PCSK2: variants seen among roughly 807,000 people sequenced by gnomAD.
PCSK2 encodes proprotein convertase subtilisin/kexin type 2.
A neutral mutation model predicts 69.7 loss-of-function variants in PCSK2; 14 were observed. The ratio of observed to expected loss-of-function variants is 0.20; its 90% confidence interval spans 0.13 to 0.31. The LOEUF is 0.31. Among genes scored for constraint, PCSK2 ranks in the 10% least tolerant of loss-of-function variants. PCSK2 has a pLI of 1.00. For synonymous variants in PCSK2, 307 were observed against 320.7 expected, an observed-to-expected ratio of 0.96 and a Z score of 0.46; for missense variants, 544 against 842.5, an observed-to-expected ratio of 0.65 and a Z score of 4.39.
At chr20:17,345,047 T>A (rs564509426) in intron 2 of PCSK2, among the ~76,000 whole-genome samples, 1 of 152,362 alleles carries the variant, frequency 6.6e-6, no homozygotes, top group South Asian at 2.1e-4. Context: ...TGTGTTGCCC[T>A]TCCCAGAGGA....
intron 1 of PCSK2, among the ~76,000 whole-genome samples, chr20:17,241,742 A>C (rs1359199822): frequency 6.6e-6 from 1 of 152,210 alleles, no homozygotes; most frequent in East Asian, 1.9e-4. Flanking sequence ...AGAACAAAAC[A>C]ATTAAATGCA....
rs767279357 is a variant in PCSK2 at position 17,296,843 on chromosome 20, T to TCA, written c.282+36502_282+36503dup. On this transcript the variant is annotated intron_variant, in intron 2 of 11. Coordinates refer to ENST00000262545, the MANE Select transcript of PCSK2 (RefSeq NM_002594.5). Reference sequence around the variant, plus strand: ...CCACAAGCCCACTTACGACAGCTCTTCACAGTAAGATAATGTATGTCTAAA... The same window carrying TCA: ...CCACAAGCCCACTTACGACAGCTCTTCACACAGTAAGATAATGTATGTCTAAA... Among the ~76,000 whole-genome samples, 17 of 152,318 alleles carry TCA rather than the reference T, an allele frequency of 1.1e-4. No homozygotes were observed. In the East Asian group the frequency reaches 3.1e-3, roughly 28 times the overall value.
At chr20:17,380,658 A>C (rs182472717) in intron 5 of PCSK2, among the ~76,000 whole-genome samples, 119 of 152,304 alleles carry the variant, frequency 7.8e-4, no homozygotes, top group African/African-American at 2.7e-3. Context: ...TAAGCATTCG[A>C]TGTTGTTAAG....
intron 2 of PCSK2, among the ~76,000 whole-genome samples, chr20:17,269,881 C>T (rs1041131868): frequency 6.6e-6 from 1 of 152,120 alleles, no homozygotes; most frequent in Non-Finnish European, 1.5e-5. Context: ...AAAACCTTAC[C>T]CTCCAATTAA....
chr20:17,247,980 T>C (rs931121189), intron 1 of PCSK2, among the ~76,000 whole-genome samples: 3 of 152,062 alleles, frequency 2.0e-5, no homozygotes, highest in Admixed American at 2.0e-4. Context: ...GTTGCTGAGA[T>C]CCATACATTT....
chr20:17,229,011 C>T (rs768689906), intron 1 of PCSK2, among the ~76,000 whole-genome samples: 18 of 152,128 alleles, frequency 1.2e-4, no homozygotes, highest in African/African-American at 4.3e-4. Flanking sequence ...AATAAAGAAG[C>T]CGACCTTCCT....
chr20:17,283,915 C>A (rs940361088), intron 2 of PCSK2, among the ~76,000 whole-genome samples: 1 of 152,188 alleles, frequency 6.6e-6, no homozygotes, highest in Non-Finnish European at 1.5e-5. Flanking sequence ...ATAAGGAAAA[C>A]AAGCCTGCCA....
At chr20:17,287,596 A>G (rs1393086176) in intron 2 of PCSK2, among the ~76,000 whole-genome samples, 1 of 152,172 alleles carries the variant, frequency 6.6e-6, no homozygotes, top group African/African-American at 2.4e-5. Flanking sequence ...TTATTTTATA[A>G]CTAGTGGCTA....
intron 5 of PCSK2, among the ~76,000 whole-genome samples, chr20:17,392,793 A>G (rs1442667247): frequency 1.1e-4 from 16 of 152,150 alleles, no homozygotes; most frequent in Non-Finnish European, 1.0e-4. Context: ...CCCTTGTGTG[A>G]TGTACCACAA....
At chr20:17,239,060 A>G (rs910165242) in intron 1 of PCSK2, among the ~76,000 whole-genome samples, 2 of 152,208 alleles carry the variant, frequency 1.3e-5, no homozygotes, top group African/African-American at 4.8e-5. Flanking sequence ...GGAACATCCT[A>G]TTTAGTGCCT....
chr20:17,451,569 T>TG (rs2032822851), intron 8 of PCSK2, among the ~76,000 whole-genome samples: 2 of 152,156 alleles, frequency 1.3e-5, no homozygotes, highest in African/African-American at 4.8e-5. Context: ...GGACTGATGT[T>TG]TGGAACTGAT....
intron 10 of PCSK2, among the ~76,000 whole-genome samples, chr20:17,460,240 A>G (rs1030871321): frequency 4.6e-5 from 7 of 152,128 alleles, no homozygotes; most frequent in African/African-American, 1.7e-4. Context: ...AGAGAGAGAG[A>G]GAAGGAGAGA....
At chr20:17,259,203 G>A (rs1196385012) in intron 1 of PCSK2, among the ~76,000 whole-genome samples, 2 of 151,992 alleles carry the variant, frequency 1.3e-5, no homozygotes, top group South Asian at 2.1e-4. Flanking sequence ...TTTGAGTAGT[G>A]GAATGCTTTT....
intron 7 of PCSK2, among the ~76,000 whole-genome samples, chr20:17,430,064 G>T (rs1475700252): frequency 1.3e-5 from 2 of 152,146 alleles, no homozygotes; most frequent in Non-Finnish European, 2.9e-5. Context: ...TTGCACAATG[G>T]AACTCATCTT....
intron 1 of PCSK2, among the ~76,000 whole-genome samples, chr20:17,241,850 C>A (rs1255240996): frequency 6.6e-6 from 1 of 152,176 alleles, no homozygotes; most frequent in African/African-American, 2.4e-5. Flanking sequence ...ATGATCCTAG[C>A]TCACCTAATA....
intron 1 of PCSK2, among the ~76,000 whole-genome samples, chr20:17,230,840 A>G (rs544707080): frequency 6.6e-6 from 1 of 152,370 alleles, no homozygotes; most frequent in Non-Finnish European, 1.5e-5. Context: ...CTAAAATGAA[A>G]TAAAAGCACC....
chr20:17,384,424 CCAA>C (rs1451241916), intron 5 of PCSK2, among the ~76,000 whole-genome samples: 4 of 76,254 alleles, frequency 5.2e-5, no homozygotes, highest in Admixed American at 1.3e-4. Context: ...TCCATATCTA[CCAA>C]AAAAAAAAAA....
Position 17,453,552 on chromosome 20 carries a change from A to G in PCSK2, c.886-190A>G, listed in dbSNP as rs996561510. On this transcript the variant is annotated intron_variant, in intron 8 of 11. Coordinates refer to ENST00000262545, the MANE Select transcript of PCSK2 (RefSeq NM_002594.5). The surrounding 1 kb of genome is among the most constrained non-coding windows in gnomAD (Gnocchi z 4.0). Reference sequence around the variant, plus strand: ...AATTCAGTTGACTTTTTTAGATTGAATTCTTCCTGGAAAAAAAAAGTTTCC... The same window carrying G: ...AATTCAGTTGACTTTTTTAGATTGAGTTCTTCCTGGAAAAAAAAAGTTTCC... Among the ~76,000 whole-genome samples, 1 of 152,168 alleles carries G rather than the reference A, an allele frequency of 6.6e-6. No homozygotes were observed. The highest frequency in any genetic ancestry group is 2.4e-5 in the African/African-American group (1 of 41,452).
intron 7 of PCSK2, among the ~76,000 whole-genome samples, chr20:17,431,842 G>A (rs2032374179): frequency 6.6e-6 from 1 of 152,222 alleles, no homozygotes; most frequent in Non-Finnish European, 1.5e-5. Context: ...TCCAAAAGTT[G>A]GCTGGTTTTT....
Sources: allele counts gnomAD v4.1 joint callset (sites outside exome capture counted in the v4.1 genomes callset), GRCh38; gene constraint gnomAD v4.1.1; non-coding constraint Gnocchi (gnomAD v3.1); transcripts MANE v1.5; gene names NCBI Gene and HGNC (gene_info 2026-07-23, HGNC 2026-07-21).